The following ESYT3 variants were observed in gnomAD, a reference collection of about 807,000 sequenced individuals.
ESYT3 encodes extended synaptotagmin 3, also known as extended synaptotagmin-3.
In ESYT3, 101 loss-of-function variants were observed where a neutral mutation model predicts 111.5. The ratio of observed to expected loss-of-function variants is 0.91; its 90% CI spans 0.77 to 1.07. The LOEUF (loss-of-function observed/expected upper bound fraction) is 1.07, where lower values mean the gene tolerates loss of function less well. Among genes scored for constraint, ESYT3 ranks in the 50% least tolerant of loss-of-function variants. The pLI, the probability that ESYT3 is intolerant of heterozygous loss-of-function variation, is 0.00. For missense variants in ESYT3, 1,097 were observed against 1,109.4 expected (o/e 0.99, Z 0.16); for synonymous variants, 416 against 446.8 (o/e 0.93, Z 0.87).
Position 138,464,458 on chromosome 3 carries a change from T to C in ESYT3, c.1029T>C (p.His343=). ...CCAAGGTGAGCATCGGCCTACAGCA[T>C]TTCCGGAGTAGGACCATCTACAGGA... ...PYAKVSIGLQ[H]FRSRTIYRNL... is the part of the protein sequence containing the mutation. Residue 343 remains histidine, a synonymous_variant, in exon 9 of 23, where the codon CAT becomes CAC. Transcript: ENST00000389567. 2 of 1,614,116 alleles carry C rather than the reference T, an allele frequency of 1.2e-6. No homozygotes were observed. Among genetic ancestry groups the C allele is most frequent in the Non-Finnish European group, 1.7e-6 (2 of 1,180,022 alleles).
chr3:138,443,696 G>A (rs910717553), intron 1 of ESYT3, among the ~76,000 whole-genome samples: 1 of 150,924 alleles, frequency 6.6e-6, no homozygotes, highest in Non-Finnish European at 1.5e-5. Context: ...TTTAGTTTGT[G>A]TGTGTCTGCG....
At chr3:138,479,995 T>C (rs1314018246), downstream of ESYT3, 3 of 152,102 alleles carry the variant, frequency 2.0e-5, no homozygotes, top group Non-Finnish European at 4.4e-5. Flanking sequence ...GTATTCAAAA[T>C]TGCAAGATAA....
rs1283149554 is a variant in ESYT3, at chr3:138,434,836, G to A, written c.38G>A (p.Ser13Asn). 3.2e-6 allele frequency: 5 copies of A among 1,554,594 alleles called. No individual in the cohort carries two copies. The highest frequency in any genetic ancestry group is 4.3e-6 in the Non-Finnish European group (5 of 1,150,178). Residue 13 changes from serine (S) to asparagine (N), a missense_variant, in exon 1 of 23, where the codon AGC becomes AAC. Physicochemically the swap from Ser to Asn is conservative, Grantham distance 46 (BLOSUM62 1). Transcript: ENST00000389567. Reference protein sequence around the residue: ...AEEPCAPGAPSALGAQRTPGP... With the variant: ...AEEPCAPGAPNALGAQRTPGP... ...GAGCCCTGCGCCCCCGGGGCCCCCA[G>A]CGCCCTGGGAGCCCAGCGCACGCCG... is the stretch of plus-strand genomic sequence containing the variant.
At chr3:138,474,543 GC>G in intron 20 of ESYT3, 191 bp downstream of exon 20, 1 of 521,950 alleles carries the variant, frequency 1.9e-6, no homozygotes, top group Non-Finnish European at 3.1e-6. Flanking sequence ...TATCAAAATG[GC>G]CACCTACATT....
chr3:138,435,625 G>A lies in ESYT3; in HGVS notation c.327+500G>A, dbSNP rs1410943158. On this transcript the variant is annotated intron_variant, in intron 1 of 22. Coordinates refer to ENST00000389567, the MANE Select transcript of ESYT3 (RefSeq NM_031913.5). The surrounding 1 kb of genome is among the most constrained non-coding windows in gnomAD (Gnocchi z 4.8). ...AGGGGGAGGGCTCCGCGGGGCTGGA[G>A]GTGGAGTGGCGGGTACGGCTGGGAG... 6.6e-6 allele frequency among the ~76,000 whole-genome samples: 1 copy of A among 152,192 alleles called. No individual in the cohort carries two copies. The highest frequency in any genetic ancestry group is 1.5e-5 in the Non-Finnish European group (1 of 68,022).
At position 138,435,745 on chromosome 3, in the gene ESYT3, G is replaced by GGGGCGGCAT. The variant is rs2030626554; in HGVS notation, c.327+629_327+637dup. Among the ~76,000 whole-genome samples, 1 of 152,152 alleles carries GGGGCGGCAT rather than the reference G, an allele frequency of 6.6e-6. No individual in the cohort carries two copies. The highest frequency in any genetic ancestry group is 1.5e-5 in the Non-Finnish European group (1 of 68,038). On this transcript the variant is annotated intron_variant, in intron 1 of 22. Transcript: ENST00000389567. This position sits in a 1 kb window ranked among gnomAD's most constrained non-coding sequence, Gnocchi z 4.8. ...CACTGCCCCGACAAACCCATCTCCT[G>GGGGCGGCAT]GGGCGGCATGGGCGGCACTACGATT...
chr3:138,441,632 C>G (rs991029645), intron 1 of ESYT3, among the ~76,000 whole-genome samples: 2 of 152,128 alleles, frequency 1.3e-5, no homozygotes, highest in Non-Finnish European at 2.9e-5. Context: ...TCTTTCGCCT[C>G]CCCCTCCCAC....
chr3:138,447,669 C>T (rs1220523717), intron 1 of ESYT3, among the ~76,000 whole-genome samples: 3 of 152,132 alleles, frequency 2.0e-5, no homozygotes, highest in Non-Finnish European at 4.4e-5. Flanking sequence ...TAACAAATTT[C>T]AGCAAAGTTG....
intron 1 of ESYT3, 57 bp from the exon 2 acceptor site, chr3:138,451,991 G>T: frequency 6.3e-7 from 1 of 1,596,008 alleles, no homozygotes; most frequent in Non-Finnish European, 8.6e-7. Flanking sequence ...TGGCTTGCTT[G>T]GTTCCCAGCG....
At position 138,473,745 on chromosome 3, in the gene ESYT3, A is replaced by G. The variant is rs2033355927; in HGVS notation, c.2336+111A>G. On this transcript the variant is annotated intron_variant, in intron 19 of 22. Transcript: ENST00000389567. ...GGCACATAGTCCCAAGATAAATAAC[A>G]CTTTGGGGGAAAAATGAGATTTGAA... 9.9e-6 allele frequency: 9 copies of G among 910,002 alleles called. No homozygotes were observed. In the South Asian group the frequency reaches 1.5e-4, roughly 15 times the overall value. 56.4% of individuals were successfully genotyped at this position (910,002 alleles called of 1,614,324 possible).
In ESYT3 at chr3:138,468,857, C is replaced by G; in HGVS notation, c.1410C>G (p.Ala470=). 1.9e-6 allele frequency: 3 copies of G among 1,614,106 alleles called. No homozygotes were observed. Among genetic ancestry groups the G allele is most frequent in the Middle Eastern group, 1.6e-4 (1 of 6,062 alleles). Reference sequence around the variant, plus strand: ...ACTACCTGAATGGTGAATATCGAGCCAAAAAACTCTCCAGGTTTGCCAGAG... The same window carrying G: ...ACTACCTGAATGGTGAATATCGAGCGAAAAAACTCTCCAGGTTTGCCAGAG... ...PFDYLNGEYR[A]KKLSRFARNK... The change falls in exon 14 of 23, where the codon GCC becomes GCG. Residue 470 remains alanine (A), a synonymous_variant. Transcript: ENST00000389567.
intron 16 of ESYT3, chr3:138,470,561 C>T: frequency 1.7e-6 from 2 of 1,160,836 alleles, no homozygotes; most frequent in Non-Finnish European, 1.1e-6. Flanking sequence ...AGTGGTGGAG[C>T]TGGGATCTTT....
At position 138,462,086 on chromosome 3, in the gene ESYT3, T is replaced by G. The variant is rs1307105386; in HGVS notation, c.795T>G (p.Asn265Lys). 3 of 1,613,930 alleles carry G rather than the reference T, an allele frequency of 1.9e-6. No individual in the cohort carries two copies. The highest frequency in any genetic ancestry group is 2.5e-6 in the Non-Finnish European group (3 of 1,179,964). Residue 265 changes from asparagine (N) to lysine (K), a missense_variant and splice_region_variant, in exon 8 of 23, where the codon AAT becomes AAG. Transcript: ENST00000389567. ...ACAGCTGGTCCTGCCTTGTGTCCAG[T>G]GATGTGTCAGACAGCTTACTGGAGG... is the stretch of plus-strand genomic sequence containing the variant. ...LTNLLDAPGI[N>K]DVSDSLLEDL... is the part of the protein sequence containing the mutation.
At chr3:138,457,076 G>A (rs996911685) in intron 3 of ESYT3, among the ~76,000 whole-genome samples, 3 of 152,044 alleles carry the variant, frequency 2.0e-5, no homozygotes, top group Admixed American at 6.5e-5. Context: ...TCCTGGGCTT[G>A]GCCAGGACCT....
At chr3:138,469,164 A>G in intron 14 of ESYT3, 1 of 593,978 alleles carries the variant, frequency 1.7e-6, no homozygotes, top group Non-Finnish European at 3.0e-6. Flanking sequence ...CACTGTTTTC[A>G]TAGCCCCAGG....
chr3:138,439,466 G>A (rs1256006969), intron 1 of ESYT3, among the ~76,000 whole-genome samples: 1 of 152,182 alleles, frequency 6.6e-6, no homozygotes, highest in Non-Finnish European at 1.5e-5. Flanking sequence ...CATCCTTCGT[G>A]CTCTGGGCTC....
chr3:138,458,060 G>T (rs1481581944), intron 4 of ESYT3, among the ~76,000 whole-genome samples: 1 of 152,190 alleles, frequency 6.6e-6, no homozygotes, highest in Non-Finnish European at 1.5e-5. Context: ...GGTTGGGCAA[G>T]GATATCTCTT....
intron 17 of ESYT3, 68 bp downstream of exon 17, chr3:138,471,094 C>A: frequency 7.5e-7 from 1 of 1,332,830 alleles, no homozygotes; most frequent in South Asian, 1.2e-5. Context: ...GGTGTACTGC[C>A]CCAGCACTAA....
chr3:138,458,424 C>T (rs2032420606), intron 4 of ESYT3, among the ~76,000 whole-genome samples: 2 of 152,250 alleles, frequency 1.3e-5, no homozygotes, highest in Admixed American at 1.3e-4. Flanking sequence ...GTGGCCCACT[C>T]AGCTGCCCAG....
Sources: gnomAD v4.1 joint callset for allele counts (sites outside exome capture counted in the v4.1 genomes callset) on GRCh38, gnomAD v4.1.1 for gene constraint, Gnocchi (gnomAD v3.1) non-coding constraint, MANE v1.5 for transcripts, NCBI Gene and HGNC (gene_info 2026-07-23, HGNC 2026-07-21) for gene names.